MAP2K3: variants seen among roughly 807,000 people sequenced by gnomAD.
MAP2K3 encodes mitogen-activated protein kinase kinase 3.
A neutral mutation model predicts 46.4 loss-of-function variants in MAP2K3; 30 were observed. The observed-to-expected ratio is 0.65, with a 90% confidence interval of 0.48 to 0.88. The LOEUF (loss-of-function observed/expected upper bound fraction) is 0.88. Among genes scored for constraint, MAP2K3 ranks in the 40% least tolerant of loss-of-function variants. MAP2K3 has a pLI of 0.00. For synonymous variants in MAP2K3, 189 were observed against 176.3 expected (o/e 1.07, Z -0.57); for missense variants, 380 against 464.5 (o/e 0.82, Z 1.67).
At chr17:21,299,005 TGG>T (rs376150010) in intron 3 of MAP2K3, 79 bp downstream of exon 3, 2 of 1,586,170 alleles carry the variant, frequency 1.3e-6, no homozygotes, top group Non-Finnish European at 8.6e-7. Context: ...AGGGCCACTT[TGG>T]GGGGAGGTGA....
At chr17:21,302,122 A>G (rs2144590213) in intron 5 of MAP2K3, 21 bp from the exon 6 acceptor site, 1 of 1,613,546 alleles carries the variant, frequency 6.2e-7, no homozygotes, top group East Asian at 2.2e-5. Context: ...AGCCTGGCTG[A>G]GCTCTGGGTG....
chr17:21,314,573 G>A lies in MAP2K3; in HGVS notation c.*343G>A, dbSNP rs1024198278. 9.6e-6 allele frequency: 3 copies of A among 311,518 alleles called. No individual in the cohort carries two copies. Among genetic ancestry groups the A allele is most frequent in the Admixed American group, 9.3e-5 (2 of 21,600 alleles). 19.3% of individuals were successfully genotyped at this position (311,518 alleles called of 1,614,324 possible). Reference sequence around the variant, plus strand: ...GCAGGCTGCCAGTGCCTGGGTGGATGGGCCACCGCCTTGCCCAGCCTGGAT... The same window carrying A: ...GCAGGCTGCCAGTGCCTGGGTGGATAGGCCACCGCCTTGCCCAGCCTGGAT... On this transcript the variant is annotated 3_prime_UTR_variant, in exon 12 of 12. Transcript: ENST00000342679.
chr17:21,301,129 T>A, intron 5 of MAP2K3, 136 bp downstream of exon 5: 1 of 1,398,144 alleles, frequency 7.2e-7, no homozygotes, highest in Non-Finnish European at 9.9e-7. Flanking sequence ...CCCCCGTCTC[T>A]TGGCTGTTAC....
intron 9 of MAP2K3, among the ~76,000 whole-genome samples, chr17:21,307,620 T>A (rs1397104819): frequency 1.3e-5 from 2 of 152,254 alleles, no homozygotes; most frequent in African/African-American, 4.8e-5. Context: ...GTTGTGGGTT[T>A]TACTGGTGTT....
chr17:21,308,527 C>T (rs1352458304), intron 9 of MAP2K3, among the ~76,000 whole-genome samples: 10 of 152,360 alleles, frequency 6.6e-5, no homozygotes, highest in East Asian at 5.8e-4. Context: ...GACTCAAAGT[C>T]GAAATAATTT....
rs2363218 is a variant in MAP2K3, at chr17:21,295,963, G to A, written c.50-2450G>A. The A allele has an allele frequency of 5.0e-6, 6 of 1,190,836 alleles. No homozygotes were observed. The South Asian group carries it at 6.5e-5, about 13-fold the overall frequency. The allele number at this position is 1,190,836 out of a possible 1,614,324, so 73.8% of individuals were successfully genotyped here. A position where few individuals can be genotyped will look rare whatever the true frequency, so the allele number is the denominator to read the frequency against. Reference sequence around the variant, plus strand: ...GGCAAGGTCAAGGCCCAGGGTCTCTGTGCAGAGCTTTAATTTTTAACAGAA... The same window carrying A: ...GGCAAGGTCAAGGCCCAGGGTCTCTATGCAGAGCTTTAATTTTTAACAGAA... On this transcript the variant is annotated intron_variant, in intron 1 of 11. Coordinates refer to ENST00000342679, the MANE Select transcript of MAP2K3 (RefSeq NM_145109.3).
At chr17:21,291,980 G>C (rs1336027932) in intron 1 of MAP2K3, among the ~76,000 whole-genome samples, 1 of 152,312 alleles carries the variant, frequency 6.6e-6, no homozygotes. Context: ...CCCCCAGGCT[G>C]GCACGGGCCG....
At chr17:21,293,435 G>A (rs1466445357) in intron 1 of MAP2K3, among the ~76,000 whole-genome samples, 2 of 152,312 alleles carry the variant, frequency 1.3e-5, no homozygotes, top group Non-Finnish European at 2.9e-5. Flanking sequence ...TTGGCATTGG[G>A]CGGGAGGACC....
intron 5 of MAP2K3, among the ~76,000 whole-genome samples, chr17:21,301,495 C>T (rs899007104): frequency 3.9e-5 from 6 of 152,298 alleles, no homozygotes; most frequent in Non-Finnish European, 5.9e-5. Context: ...GGAGCCTAGG[C>T]GATGCTGGGC....
chr17:21,308,826 T>C (rs1467489707), intron 9 of MAP2K3, among the ~76,000 whole-genome samples: 5 of 152,232 alleles, frequency 3.3e-5, no homozygotes, highest in Non-Finnish European at 5.9e-5. Flanking sequence ...CTTCCAGTTG[T>C]CCATCCATCA....
intron 1 of MAP2K3, chr17:21,295,748 T>G: frequency 7.8e-7 from 1 of 1,286,946 alleles, no homozygotes; most frequent in Non-Finnish European, 1.0e-6. Flanking sequence ...ATCCAGCCCA[T>G]ATGTGCAAGT....
intron 1 of MAP2K3, among the ~76,000 whole-genome samples, chr17:21,296,618 C>A (rs1227575876): frequency 1.4e-4 from 21 of 152,304 alleles, no homozygotes; most frequent in African/African-American, 3.9e-4. Flanking sequence ...CAGCCTGGGG[C>A]AAGTGGCTTC....
intron 1 of MAP2K3, chr17:21,291,583 A>G (rs1452207085): frequency 4.4e-6 from 2 of 456,404 alleles, no homozygotes; most frequent in Non-Finnish European, 8.8e-6. Flanking sequence ...GGGAGGGCTG[A>G]GCATCACTTG....
chr17:21,299,888 A>C (rs1205882329), intron 3 of MAP2K3, among the ~76,000 whole-genome samples: 1 of 152,310 alleles, frequency 6.6e-6, no homozygotes, highest in Non-Finnish European at 1.5e-5. Context: ...AGGCTGAGAC[A>C]GGAGAATCGC....
intron 1 of MAP2K3, among the ~76,000 whole-genome samples, chr17:21,290,703 C>T (rs946670445): frequency 6.6e-6 from 1 of 152,424 alleles, no homozygotes; most frequent in Non-Finnish European, 1.5e-5. Context: ...TAAATCCCAG[C>T]CTTTGGGAGG....
intron 1 of MAP2K3, chr17:21,291,528 G>C (rs1170570756): frequency 2.2e-6 from 1 of 456,534 alleles, no homozygotes; most frequent in Non-Finnish European, 4.4e-6. Context: ...TTGGAGCACA[G>C]CCTACGATCC....
intron 1 of MAP2K3, among the ~76,000 whole-genome samples, chr17:21,297,511 C>T (rs1191724452): frequency 6.6e-6 from 1 of 152,308 alleles, no homozygotes; most frequent in African/African-American, 2.4e-5. Flanking sequence ...GGTGCCAGAG[C>T]ACCAGGTGAC....
chr17:21,296,191 T>C (rs919901067), intron 1 of MAP2K3: 3 of 1,289,204 alleles, frequency 2.3e-6, no homozygotes, highest in Non-Finnish European at 2.0e-6. Context: ...TGCTTCGTCC[T>C]GCAGCACTGT....
intron 11 of MAP2K3, 26 bp downstream of exon 11, chr17:21,313,563 C>G (rs1208165548): frequency 6.2e-7 from 1 of 1,603,124 alleles, no homozygotes; most frequent in African/African-American, 1.3e-5. Flanking sequence ...AGGTGCCTGC[C>G]CTGCTCTTCA....
Sources: gnomAD v4.1 joint callset for allele counts (sites outside exome capture counted in the v4.1 genomes callset) on GRCh38, gnomAD v4.1.1 for gene constraint, MANE v1.5 for transcripts, NCBI Gene and HGNC (gene_info 2026-07-23, HGNC 2026-07-21) for gene names.